The following KCTD9 variants were observed in gnomAD, a reference collection of about 807,000 sequenced individuals.
The protein encoded by KCTD9 is BTB/POZ domain-containing protein KCTD9.
Under a neutral mutation model 53.3 loss-of-function variants are expected in KCTD9, and 17 were observed. That is an observed-to-expected ratio of 0.32 (90% CI 0.22 to 0.48). The LOEUF (loss-of-function observed/expected upper bound fraction) is 0.48. Ranked by LOEUF, KCTD9 falls within the 20% of genes least tolerant of loss-of-function variation. The pLI, the probability that KCTD9 is intolerant of heterozygous loss-of-function variation, is 0.99. For missense variants in KCTD9, 179 were observed against 465.5 expected, an observed-to-expected ratio of 0.38 and a Z score of 5.66; for synonymous variants, 128 against 162.7, an observed-to-expected ratio of 0.79 and a Z score of 1.62.
chr8:25,455,852 A>G (rs1802422868), intron 1 of KCTD9, among the ~76,000 whole-genome samples: 1 of 152,204 alleles, frequency 6.6e-6, no homozygotes, highest in African/African-American at 2.4e-5. Flanking sequence ...GTCTTTCTAG[A>G]TCGGAAAAAT....
In KCTD9 at chr8:25,458,345, C is replaced by T; in HGVS notation, c.-99G>A. On this transcript the variant is annotated 5_prime_UTR_variant, in exon 1 of 12. Coordinates refer to ENST00000221200, the MANE Select transcript of KCTD9 (RefSeq NM_017634.4). ...CGCCCTTCCCCTCCCTCCACCCACT[C>T]GGATTCGCCTCCCTTCGCCACCTTC... The T allele has an allele frequency of 7.3e-7, 1 of 1,375,088 alleles. No individual in the cohort carries two copies. Among genetic ancestry groups the T allele is most frequent in the Non-Finnish European group, 1.0e-6 (1 of 978,198 alleles). The allele number at this position is 1,375,088 out of a possible 1,614,324, so 85.2% of individuals were successfully genotyped here.
Position 25,429,480 on chromosome 8 carries a change from G to A in KCTD9, c.*377C>T, listed in dbSNP as rs1801890351. 1 of 159,524 alleles carries A rather than the reference G, an allele frequency of 6.3e-6. No homozygotes were observed. The highest frequency in any genetic ancestry group is 2.4e-5 in the African/African-American group (1 of 41,552). 9.9% of individuals were successfully genotyped at this position (159,524 alleles called of 1,614,324 possible). ...CAATAAATATAATTGCATATGTTGT[G>A]CTTTCCATAAATTAAAATCCTCAAA... On this transcript the variant is annotated 3_prime_UTR_variant, in exon 12 of 12. Coordinates refer to ENST00000221200, the MANE Select transcript of KCTD9 (RefSeq NM_017634.4).
chr8:25,441,131 T>C (rs1802113725), intron 3 of KCTD9, among the ~76,000 whole-genome samples: 1 of 150,962 alleles, frequency 6.6e-6, no homozygotes, highest in Non-Finnish European at 1.5e-5. Context: ...ACTGATAAGA[T>C]GCTGGGAAAA....
chr8:25,456,807 G>T (rs1205613370), intron 1 of KCTD9, among the ~76,000 whole-genome samples: 1 of 152,056 alleles, frequency 6.6e-6, no homozygotes, highest in Non-Finnish European at 1.5e-5. Context: ...TTTATGACTA[G>T]GTTTAAATAT....
rs2117460969 is a variant in KCTD9 at position 25,458,220 on chromosome 8, G to A, written c.27C>T (p.Asn9=). 8 of 1,464,874 alleles carry A rather than the reference G, an allele frequency of 5.5e-6. No homozygotes were observed. The East Asian group carries it at 1.8e-4, about 33-fold the overall frequency. The allele number at this position is 1,464,874 out of a possible 1,614,324, so 90.7% of individuals were successfully genotyped here. A position where few individuals can be genotyped will look rare whatever the true frequency, so the allele number is the denominator to read the frequency against. ...TTACCTTTCCGTTCTTGGGGCTGCC[G>A]TTCAGGAACAGGGTCACCCGCCTCA... MRRVTLFL[N]GSPKNGKVVA... is the part of the protein sequence containing the mutation. Residue 9 remains asparagine, a synonymous_variant, in exon 1 of 12, where the codon AAC becomes AAT. Transcript: ENST00000221200.
At chr8:25,457,900 CTCCCCGCGCCCCCG>C (rs879363765) in intron 1 of KCTD9, 90 of 237,740 alleles carry the variant, frequency 3.8e-4, no homozygotes, top group African/African-American at 1.8e-3. Context: ...GACCGCGGCC[CTCCCCGCGCCCCCG>C]TCCCCGCGCC....
chr8:25,442,081 T>C (rs1447265314), intron 3 of KCTD9, among the ~76,000 whole-genome samples: 2 of 151,994 alleles, frequency 1.3e-5, no homozygotes, highest in Non-Finnish European at 2.9e-5. Flanking sequence ...CCACCCTACA[T>C]ACAATAGAGT....
rs937980166 is a variant in KCTD9, at chr8:25,458,217, G to A, written c.30C>T (p.Gly10=). The change falls in exon 1 of 12, where the codon GGC becomes GGT. Residue 10 remains glycine (G), a synonymous_variant. Transcript: ENST00000221200. ...CCGTTACCTTTCCGTTCTTGGGGCT[G>A]CCGTTCAGGAACAGGGTCACCCGCC... MRRVTLFLN[G]SPKNGKVVAV... is the part of the protein sequence containing the mutation. 60 of 1,606,822 alleles carry A rather than the reference G, an allele frequency of 3.7e-5. No individual in the cohort carries two copies. The highest frequency in any genetic ancestry group is 5.0e-5 in the Non-Finnish European group (59 of 1,178,350).
Position 25,427,943 on chromosome 8 carries a change from G to T in KCTD9, c.*1914C>A, listed in dbSNP as rs984906692. 3.3e-5 allele frequency: 5 copies of T among 152,090 alleles called. No homozygotes were observed. Among genetic ancestry groups the T allele is most frequent in the Non-Finnish European group, 7.4e-5 (5 of 68,008 alleles). 9.4% of individuals were successfully genotyped at this position (152,090 alleles called of 1,614,324 possible). On this transcript the variant is annotated 3_prime_UTR_variant, in exon 12 of 12. Transcript: ENST00000221200. ...TTTCCTTTGCTACCCAGAACCACAG[G>T]GCTGGTTGTCAACACATATTGAAGA...
chr8:25,432,738 G>A, intron 10 of KCTD9, 101 bp from the exon 11 acceptor site: 2 of 1,032,356 alleles, frequency 1.9e-6, no homozygotes, highest in Non-Finnish European at 1.4e-6. Flanking sequence ...TTTAACTTTT[G>A]GAAATTAATC....
chr8:25,442,240 A>G (rs545356824), intron 3 of KCTD9, among the ~76,000 whole-genome samples: 18 of 152,300 alleles, frequency 1.2e-4, no homozygotes, highest in African/African-American at 3.6e-4. Context: ...ACAACTCAGA[A>G]CACCAATAAA....
Position 25,458,250 on chromosome 8 carries a change from G to T in KCTD9, c.-4C>A. On this transcript the variant is annotated 5_prime_UTR_variant, in exon 1 of 12. Coordinates refer to ENST00000221200, the MANE Select transcript of KCTD9 (RefSeq NM_017634.4). Reference sequence around the variant, plus strand: ...GGAACAGGGTCACCCGCCTCATCGCGCTGCCCCCGCTGGGTCCTGAGTGAG... The same window carrying T: ...GGAACAGGGTCACCCGCCTCATCGCTCTGCCCCCGCTGGGTCCTGAGTGAG... 1 of 1,604,526 alleles carries T rather than the reference G, an allele frequency of 6.2e-7. No homozygotes were observed. The highest frequency in any genetic ancestry group is 1.7e-5 in the Admixed American group (1 of 59,570).
chr8:25,433,501 T>A, intron 9 of KCTD9, 66 bp from the exon 10 acceptor site: 3 of 747,386 alleles, frequency 4.0e-6, no homozygotes, highest in Middle Eastern at 2.5e-4. Context: ...GCTCAAACAG[T>A]AAAAGAAAAA....
At chr8:25,455,726 T>C (rs984314175) in intron 1 of KCTD9, among the ~76,000 whole-genome samples, 7 of 152,202 alleles carry the variant, frequency 4.6e-5, no homozygotes. Context: ...CATATCACAA[T>C]GTCAATGACA....
rs914587856 is a variant in KCTD9, at chr8:25,429,165, T to G, written c.*692A>C. The G allele has an allele frequency of 6.6e-6, 1 of 152,278 alleles. No homozygotes were observed. Among genetic ancestry groups the G allele is most frequent in the Non-Finnish European group, 1.5e-5 (1 of 68,054 alleles). 9.4% of individuals were successfully genotyped at this position (152,278 alleles called of 1,614,324 possible). On this transcript the variant is annotated 3_prime_UTR_variant, in exon 12 of 12. Transcript: ENST00000221200. ...GTTATTCCTCCATCCAGAGTTACAC[T>G]GTACCTTTGGAATGACAGTGATGTA...
At chr8:25,454,815 T>C (rs190243160) in intron 1 of KCTD9, among the ~76,000 whole-genome samples, 1 of 152,368 alleles carries the variant, frequency 6.6e-6, no homozygotes, top group Non-Finnish European at 1.5e-5. Flanking sequence ...AGAAAGTACA[T>C]GTTTTCCCAA....
chr8:25,429,603 C>T lies in KCTD9; in HGVS notation c.*254G>A. On this transcript the variant is annotated 3_prime_UTR_variant, in exon 12 of 12. Coordinates refer to ENST00000221200, the MANE Select transcript of KCTD9 (RefSeq NM_017634.4). Reference sequence around the variant, plus strand: ...TCATAAAACCAGGTAAACCCCCCTACCCCATTCAAAAGGCAGCAATATCTA... The same window carrying T: ...TCATAAAACCAGGTAAACCCCCCTATCCCATTCAAAAGGCAGCAATATCTA... 2.8e-6 allele frequency: 1 copy of T among 354,452 alleles called. No individual in the cohort carries two copies. The highest frequency in any genetic ancestry group is 3.2e-5 in the South Asian group (1 of 31,318). 22.0% of individuals were successfully genotyped at this position (354,452 alleles called of 1,614,324 possible). A position where few individuals can be genotyped will look rare whatever the true frequency, so the allele number is the denominator to read the frequency against.
Position 25,440,637 on chromosome 8 carries a change from A to G in KCTD9, c.251T>C (p.Leu84Ser), listed in dbSNP as rs2117408698. ...QTDSKPPEGLLGFHTDWLTLN... is the reference protein window; with the variant it reads ...QTDSKPPEGLSGFHTDWLTLN... ...TGTCAGCCAGTCTGTGTGGAATCCT[A>G]ACAATCCCTCAGGAGGCTTAGAATC... The change falls in exon 4 of 12, where the codon TTA becomes TCA. Residue 84 changes from leucine (L) to serine (S), a missense_variant. Coordinates refer to ENST00000221200, the MANE Select transcript of KCTD9 (RefSeq NM_017634.4). 6.2e-7 allele frequency: 1 copy of G among 1,612,332 alleles called. No individual in the cohort carries two copies. Among genetic ancestry groups the G allele is most frequent in the East Asian group, 2.2e-5 (1 of 44,874 alleles).
intron 1 of KCTD9, among the ~76,000 whole-genome samples, chr8:25,455,116 G>A (rs565936791): frequency 1.3e-4 from 20 of 152,020 alleles, no homozygotes; most frequent in African/African-American, 4.3e-4. Context: ...TCCCAGCTAA[G>A]CAAGAGGCTG....
Sources: allele counts gnomAD v4.1 joint callset (sites outside exome capture counted in the v4.1 genomes callset), GRCh38; gene constraint gnomAD v4.1.1; transcripts MANE v1.5; gene names NCBI Gene and HGNC (gene_info 2026-07-23, HGNC 2026-07-21).